Variants in LYRM4 observed in about 807,000 individuals in gnomAD.
LYRM4 encodes the protein LYR motif-containing protein 4.
In LYRM4, 9 loss-of-function variants were observed where a neutral mutation model predicts 11.7. The observed-to-expected ratio is 0.77, with a 90% CI of 0.46 to 1.34. LYRM4 has a LOEUF of 1.34. Ranked by LOEUF, LYRM4 falls within the 40% of genes most tolerant of loss-of-function variation. The pLI is 0.00. For missense variants in LYRM4, 133 were observed against 112.5 expected (o/e 1.18, Z -0.82); for synonymous variants, 42 against 40.4 (o/e 1.04, Z -0.15).
intron 2 of LYRM4, among the ~76,000 whole-genome samples, chr6:5,209,156 C>T (rs780971379): frequency 7.2e-5 from 11 of 152,190 alleles, no homozygotes; most frequent in African/African-American, 2.2e-4. Context: ...TGCAGTGACG[C>T]GATTTTGGCT....
the LYRM4 span, among the ~76,000 whole-genome samples, chr6:5,062,475 C>T: frequency 1.3e-5 from 2 of 151,898 alleles, no homozygotes; most frequent in South Asian, 4.2e-4. Context: ...TTAATAATAT[C>T]ATTTCCCCTG....
intron 2 of LYRM4, among the ~76,000 whole-genome samples, chr6:5,117,297 C>A (rs1012474104): frequency 2.0e-5 from 3 of 152,240 alleles, no homozygotes; most frequent in Non-Finnish European, 4.4e-5. Flanking sequence ...TGGCTCACGC[C>A]TGTAATCCCA....
At chr6:5,202,834 C>G (rs1761466563) in intron 2 of LYRM4, among the ~76,000 whole-genome samples, 1 of 152,152 alleles carries the variant, frequency 6.6e-6, no homozygotes, top group Admixed American at 6.5e-5. Flanking sequence ...GTGAATGACA[C>G]AAGCTACTAT....
chr6:5,072,448 G>A, the LYRM4 span, among the ~76,000 whole-genome samples: 1 of 152,100 alleles, frequency 6.6e-6, no homozygotes, highest in Non-Finnish European at 1.5e-5. Flanking sequence ...CACCAACAGT[G>A]TAAAAGCCTA....
At chr6:5,035,545 T>TTCCCTCCCTCCTTCCTTCCC in the LYRM4 span, among the ~76,000 whole-genome samples, 1 of 74,564 alleles carries the variant, frequency 1.3e-5, no homozygotes. Context: ...CCTTCCTTCC[T>TTCCCTCCCTCCTTCCTTCCC]TCCCTCCCTC....
chr6:5,138,411 G>A (rs191805287), intron 2 of LYRM4, among the ~76,000 whole-genome samples: 29 of 150,404 alleles, frequency 1.9e-4, no homozygotes, highest in African/African-American at 7.1e-4. Flanking sequence ...CTGAGGCTGG[G>A]GAGGTTGAGG....
At chr6:5,257,562 T>C (rs1764737089) in intron 1 of LYRM4, among the ~76,000 whole-genome samples, 1 of 152,178 alleles carries the variant, frequency 6.6e-6, no homozygotes, top group Non-Finnish European at 1.5e-5. Context: ...CGTGGCCTGT[T>C]AGGAACCGGG....
intron 2 of LYRM4, among the ~76,000 whole-genome samples, chr6:5,120,503 AAGATT>A (rs1402829380): frequency 7.9e-5 from 12 of 152,290 alleles, no homozygotes; most frequent in Non-Finnish European, 1.5e-4. Context: ...GAGCAGCAGC[AAGATT>A]TATTGTGGAG....
intron 2 of LYRM4, among the ~76,000 whole-genome samples, chr6:5,166,884 G>T (rs569743443): frequency 1.3e-5 from 2 of 152,162 alleles, no homozygotes; most frequent in South Asian, 4.1e-4. Context: ...CAAACAACAC[G>T]TATATACACC....
intron 2 of LYRM4, among the ~76,000 whole-genome samples, chr6:5,110,833 T>C (rs1762847931): frequency 6.6e-6 from 1 of 152,058 alleles, no homozygotes; most frequent in South Asian, 2.1e-4. Flanking sequence ...TGGACGCAAG[T>C]GGATGGGGAG....
At chr6:5,208,669 G>C (rs1761833328) in intron 2 of LYRM4, among the ~76,000 whole-genome samples, 1 of 152,200 alleles carries the variant, frequency 6.6e-6, no homozygotes, top group Non-Finnish European at 1.5e-5. Context: ...AACCAAATGA[G>C]AGACATTCCT....
chr6:5,144,213 C>T (rs1012222203), intron 2 of LYRM4: 20 of 1,536,952 alleles, frequency 1.3e-5, no homozygotes, highest in Middle Eastern at 1.7e-4. Flanking sequence ...CCCCAGGCTC[C>T]GGCTGCTGTT....
the LYRM4 span, among the ~76,000 whole-genome samples, chr6:5,041,237 A>G: frequency 3.9e-5 from 6 of 152,262 alleles, no homozygotes; most frequent in East Asian, 9.6e-4. Context: ...AAAGCTCAAT[A>G]ACTTCAGTGT....
chr6:5,246,440 G>A (rs987020279), intron 1 of LYRM4, among the ~76,000 whole-genome samples: 1 of 152,122 alleles, frequency 6.6e-6, no homozygotes, highest in Admixed American at 6.6e-5. Context: ...GTCTTTAATT[G>A]GAGAAACCAC....
intron 2 of LYRM4, among the ~76,000 whole-genome samples, chr6:5,192,420 C>A (rs772810901): frequency 1.3e-5 from 2 of 152,124 alleles, no homozygotes; most frequent in Non-Finnish European, 1.5e-5. Context: ...AGGAAGCACC[C>A]CTCCCCTTAC....
intron 2 of LYRM4, chr6:5,113,291 G>A: frequency 4.5e-6 from 2 of 448,076 alleles, no homozygotes; most frequent in Non-Finnish European, 8.9e-6. Context: ...AGGCCATGGT[G>A]GCACGCGCCA....
chr6:5,159,227 T>C (rs1357172522), intron 2 of LYRM4, among the ~76,000 whole-genome samples: 1 of 152,168 alleles, frequency 6.6e-6, no homozygotes. Context: ...CAGACACGTA[T>C]GTGGGTGTCA....
At chr6:5,055,995 C>T in the LYRM4 span, among the ~76,000 whole-genome samples, 1 of 151,148 alleles carries the variant, frequency 6.6e-6, no homozygotes, top group Non-Finnish European at 1.5e-5. This position sits in a 1 kb window ranked among gnomAD's most constrained non-coding sequence, Gnocchi z 4.5. Context: ...TCTTTCATCT[C>T]TCTTTCTCTT....
intron 1 of LYRM4, among the ~76,000 whole-genome samples, chr6:5,245,979 T>C (rs756422385): frequency 4.6e-5 from 7 of 152,212 alleles, no homozygotes; most frequent in Non-Finnish European, 1.0e-4. Flanking sequence ...TTCTGGACTT[T>C]ATCCCAAAAA....
Sources: gnomAD v4.1 joint callset for allele counts (sites outside exome capture counted in the v4.1 genomes callset) on GRCh38, gnomAD v4.1.1 for gene constraint, Gnocchi (gnomAD v3.1) non-coding constraint, MANE v1.5 for transcripts, NCBI Gene and HGNC (gene_info 2026-07-23, HGNC 2026-07-21) for gene names.